The following TRAPPC9 variants were observed in gnomAD, a reference collection of about 807,000 sequenced individuals.
The protein encoded by TRAPPC9 is IKK2 binding protein.
Under a neutral mutation model 124.0 loss-of-function variants are expected in TRAPPC9, and 83 were observed. The ratio of observed to expected loss-of-function variants is 0.67; its 90% confidence interval spans 0.56 to 0.80. The LOEUF (loss-of-function observed/expected upper bound fraction) is 0.80, where lower values mean the gene tolerates loss of function less well. Among genes scored for constraint, TRAPPC9 ranks in the 30% least tolerant of loss-of-function variants. The pLI is 0.00. For synonymous variants in TRAPPC9, 638 were observed against 617.5 expected, an observed-to-expected ratio of 1.03 and a Z score of -0.49; for missense variants, 1,302 against 1,508.3, an observed-to-expected ratio of 0.86 and a Z score of 2.27.
chr8:140,238,297 T>C (rs1304984392), intron 16 of TRAPPC9: 1 of 152,188 alleles, frequency 6.6e-6, no homozygotes, highest in Non-Finnish European at 1.5e-5. Context: ...TGAGTCAACC[T>C]CCCCACCTAC....
intron 19 of TRAPPC9, among the ~76,000 whole-genome samples, chr8:139,967,714 C>T (rs192087341): frequency 1.3e-5 from 2 of 152,364 alleles, no homozygotes; most frequent in East Asian, 1.9e-4. Flanking sequence ...CATGGCCTCA[C>T]GCCCACAGCA....
At chr8:140,022,938 C>T (rs984168408) in intron 18 of TRAPPC9, among the ~76,000 whole-genome samples, 5 of 152,214 alleles carry the variant, frequency 3.3e-5, no homozygotes, top group Non-Finnish European at 7.3e-5. Flanking sequence ...TTATTTAAAG[C>T]TGTATCATTT....
At position 140,033,658 on chromosome 8, in the gene TRAPPC9, GTT is replaced by G. The variant is rs776155126; in HGVS notation, c.2557-9581_2557-9580del. 1.1e-3 allele frequency among the ~76,000 whole-genome samples: 45 copies of G among 42,386 alleles called. 1 individual carries two copies. Among genetic ancestry groups the G allele is most frequent in the East Asian group, 2.7e-3 (3 of 1,100 alleles). 27.8% of individuals were successfully genotyped at this position (42,386 alleles called of 152,430 possible). On this transcript the variant is annotated intron_variant, in intron 17 of 22. Transcript: ENST00000438773. ...TTGAAATGCAACTCTTCATAATGTG[GTT>G]TTTTTTTTTTTTTTTTTTTTTTTTT...
intron 17 of TRAPPC9, among the ~76,000 whole-genome samples, chr8:140,156,894 A>G (rs2061640099): frequency 6.6e-6 from 1 of 152,250 alleles, no homozygotes; most frequent in Non-Finnish European, 1.5e-5. Flanking sequence ...CCCAAATAAA[A>G]TGAGCAGAAA....
intron 6 of TRAPPC9, among the ~76,000 whole-genome samples, chr8:140,403,584 T>C (rs2069357514): frequency 6.6e-6 from 1 of 152,178 alleles, no homozygotes; most frequent in Non-Finnish European, 1.5e-5. Flanking sequence ...AGCTAGTGTT[T>C]GTTTATGGAG....
chr8:140,288,977 C>CTGAT (rs2065568627), intron 12 of TRAPPC9, among the ~76,000 whole-genome samples: 1 of 152,130 alleles, frequency 6.6e-6, no homozygotes, highest in Admixed American at 6.5e-5. Context: ...AGTAGATGTG[C>CTGAT]TGATGTTGGG....
intron 19 of TRAPPC9, among the ~76,000 whole-genome samples, chr8:139,935,224 T>C (rs770073785): frequency 2.6e-5 from 4 of 152,164 alleles, no homozygotes; most frequent in Non-Finnish European, 5.9e-5. Flanking sequence ...TCGGGGGTTC[T>C]TCAATGTAGT....
chr8:139,739,918 G>T (rs1209106544), intron 21 of TRAPPC9, among the ~76,000 whole-genome samples: 2 of 152,226 alleles, frequency 1.3e-5, no homozygotes, highest in Non-Finnish European at 2.9e-5. Context: ...ATGGATGAGT[G>T]AGTGAGTGAA....
At chr8:139,979,724 G>A (rs552077652) in intron 19 of TRAPPC9, among the ~76,000 whole-genome samples, 20 of 152,180 alleles carry the variant, frequency 1.3e-4, no homozygotes, top group Non-Finnish European at 2.5e-4. Flanking sequence ...GGACAGGACA[G>A]CGCCCCTCAC....
At chr8:139,868,891 A>G (rs1488645394) in intron 21 of TRAPPC9, among the ~76,000 whole-genome samples, 1 of 152,262 alleles carries the variant, frequency 6.6e-6, no homozygotes, top group South Asian at 2.1e-4. Context: ...TCAGAGTATT[A>G]TAACAATTGT....
At chr8:140,165,449 G>T (rs968481153) in intron 17 of TRAPPC9, among the ~76,000 whole-genome samples, 1 of 151,634 alleles carries the variant, frequency 6.6e-6, no homozygotes, top group Non-Finnish European at 1.5e-5. Flanking sequence ...TGAGGCAGGA[G>T]AATCACTTGA....
Position 139,730,658 on chromosome 8 carries a change from C to T in TRAPPC9, c.*403G>A. 1 of 235,962 alleles carries T rather than the reference C, an allele frequency of 4.2e-6. No individual in the cohort carries two copies. The highest frequency in any genetic ancestry group is 6.7e-5 in the South Asian group (1 of 14,824). The allele number at this position is 235,962 out of a possible 1,614,324, so 14.6% of individuals were successfully genotyped here. Reference sequence around the variant, plus strand: ...AGGCTGTGCCCAGTCTCATGCTCACCATTTCTTTCTATGGCCAAAGGGAAG... The same window carrying T: ...AGGCTGTGCCCAGTCTCATGCTCACTATTTCTTTCTATGGCCAAAGGGAAG... On this transcript the variant is annotated 3_prime_UTR_variant, in exon 23 of 23. Coordinates refer to ENST00000438773, the MANE Select transcript of TRAPPC9 (RefSeq NM_001160372.4).
intron 16 of TRAPPC9, among the ~76,000 whole-genome samples, chr8:140,226,629 A>G (rs989549996): frequency 6.6e-6 from 1 of 151,556 alleles, no homozygotes; most frequent in Non-Finnish European, 1.5e-5. Context: ...AAAAGGAAAA[A>G]AAAAAGAAAA....
At chr8:140,052,280 G>A (rs923344573) in intron 17 of TRAPPC9, among the ~76,000 whole-genome samples, 1 of 152,192 alleles carries the variant, frequency 6.6e-6, no homozygotes, top group African/African-American at 2.4e-5. Context: ...TTAATTGGAT[G>A]TAAATGCAAG....
chr8:139,788,070 G>A lies in TRAPPC9; in HGVS notation c.3056-55868C>T, dbSNP rs1355117994. ...GGCATGGACTCAGAACTAGGAACCC[G>A]AATTCCAACCAGGCTTCAGCCCAGA... On this transcript the variant is annotated intron_variant, in intron 21 of 22. Transcript: ENST00000438773. This position sits in a 1 kb window ranked among gnomAD's most constrained non-coding sequence, Gnocchi z 4.9. Among the ~76,000 whole-genome samples, 2 of 152,120 alleles carry A rather than the reference G, an allele frequency of 1.3e-5. No individual in the cohort carries two copies. The highest frequency in any genetic ancestry group is 2.9e-5 in the Non-Finnish European group (2 of 68,022).
In TRAPPC9 at chr8:140,353,489, TC is replaced by T. The variant is rs1352436331; in HGVS notation, c.1495+6560del. On this transcript the variant is annotated intron_variant, in intron 9 of 22. Coordinates refer to ENST00000438773, the MANE Select transcript of TRAPPC9 (RefSeq NM_001160372.4). The surrounding 1 kb of genome is among the most constrained non-coding windows in gnomAD (Gnocchi z 4.2). Reference sequence around the variant, plus strand: ...GCTCACCTGGGGCTTTTGATCCCAGTCCCTGAAACAGTTTACCTAACTAGTT... The same window carrying T: ...GCTCACCTGGGGCTTTTGATCCCAGTCCTGAAACAGTTTACCTAACTAGTT... Among the ~76,000 whole-genome samples, 2 of 152,230 alleles carry T rather than the reference TC, an allele frequency of 1.3e-5. No homozygotes were observed. The highest frequency in any genetic ancestry group is 4.8e-5 in the African/African-American group (2 of 41,460).
At chr8:139,757,506 A>G (rs111767139) in intron 21 of TRAPPC9, among the ~76,000 whole-genome samples, 6 of 117,820 alleles carry the variant, frequency 5.1e-5, no homozygotes, top group Non-Finnish European at 3.6e-5. Context: ...ACAGCAGATC[A>G]CAGGAGGAGC....
intron 5 of TRAPPC9, among the ~76,000 whole-genome samples, chr8:140,409,188 T>C (rs995679094): frequency 6.7e-6 from 1 of 148,682 alleles, no homozygotes; most frequent in African/African-American, 2.5e-5. Flanking sequence ...AGATAATTCA[T>C]AAAAGAAAAA....
intron 21 of TRAPPC9, among the ~76,000 whole-genome samples, chr8:139,863,360 G>A (rs1828299840): frequency 6.6e-6 from 1 of 152,210 alleles, no homozygotes; most frequent in Non-Finnish European, 1.5e-5. Context: ...GCAGCACAGG[G>A]AGGAGGCACG....
Sources: allele counts gnomAD v4.1 joint callset (sites outside exome capture counted in the v4.1 genomes callset), GRCh38; gene constraint gnomAD v4.1.1; non-coding constraint Gnocchi (gnomAD v3.1); transcripts MANE v1.5; gene names NCBI Gene and HGNC (gene_info 2026-07-23, HGNC 2026-07-21).